The following CUL3 variants were observed in gnomAD, a reference collection of about 807,000 sequenced individuals.
CUL3 encodes cullin-3.
A neutral mutation model predicts 89.1 loss-of-function variants in CUL3; 19 were observed. The ratio of observed to expected loss-of-function variants is 0.21; its 90% CI spans 0.15 to 0.31. CUL3 has a LOEUF of 0.31. Ranked by LOEUF, CUL3 falls within the 10% of genes least tolerant of loss-of-function variation. The pLI, the probability that CUL3 is intolerant of heterozygous loss-of-function variation, is 1.00. For missense variants in CUL3, 469 were observed against 942.3 expected, an observed-to-expected ratio of 0.50 and a Z score of 6.58; for synonymous variants, 351 against 308.4, an observed-to-expected ratio of 1.14 and a Z score of -1.45.
intron 14 of CUL3, chr2:224,478,775 T>C (rs1691421635): frequency 6.3e-6 from 1 of 159,458 alleles, no homozygotes; most frequent in South Asian, 1.8e-4. Context: ...AAAATGTAGC[T>C]GTAATCTCTA....
rs941323851 is a variant in CUL3, at chr2:224,517,027, C to T, written c.379-2255G>A. On this transcript the variant is annotated intron_variant, in intron 3 of 15. Transcript: ENST00000264414. Reference sequence around the variant, plus strand: ...TCGTGTTTTACTTCTCAGCACAGAACAATATGTACATAATAAAAACTAGCA... The same window carrying T: ...TCGTGTTTTACTTCTCAGCACAGAATAATATGTACATAATAAAAACTAGCA... 5.9e-5 allele frequency among the ~76,000 whole-genome samples: 9 copies of T among 152,112 alleles called. No homozygotes were observed. In the South Asian group the frequency reaches 1.9e-3, roughly 31 times the overall value.
At chr2:224,542,820 G>C (rs1301295463) in intron 2 of CUL3, among the ~76,000 whole-genome samples, 2 of 152,162 alleles carry the variant, frequency 1.3e-5, no homozygotes, top group Non-Finnish European at 2.9e-5. Context: ...AAAGGAGCTG[G>C]AAAGGAGGAT....
intron 3 of CUL3, among the ~76,000 whole-genome samples, chr2:224,529,179 G>T (rs1693594414): frequency 6.6e-6 from 1 of 152,086 alleles, no homozygotes; most frequent in Non-Finnish European, 1.5e-5. Flanking sequence ...AATTCAGGCT[G>T]TAATATAACG....
chr2:224,475,415 CAG>C (rs1691281560), intron 15 of CUL3, among the ~76,000 whole-genome samples: 1 of 152,198 alleles, frequency 6.6e-6, no homozygotes, highest in African/African-American at 2.4e-5. Flanking sequence ...TAGTAAATAA[CAG>C]AGCCAACAGA....
intron 1 of CUL3, chr2:224,563,233 C>T: frequency 2.1e-6 from 1 of 471,272 alleles, no homozygotes; most frequent in South Asian, 1.6e-5. Flanking sequence ...ACATTATTCC[C>T]CTACATCTCT....
In CUL3 at chr2:224,557,791, G is replaced by T. The variant is rs1212518379; in HGVS notation, c.132C>A (p.Ile44=). Reference sequence around the variant, plus strand: ...TAAGACCACTGTTATTCTTACGCTGGATTTCTTGAATTGCATTTTTCAGAA... The same window carrying T: ...TAAGACCACTGTTATTCTTACGCTGTATTTCTTGAATTGCATTTTTCAGAA... The part of the protein sequence containing the change: ...WDLLKNAIQE[I]QRKNNSGLSF... Residue 44 remains isoleucine, a synonymous_variant, in exon 2 of 16, where the codon ATC becomes ATA. Coordinates refer to ENST00000264414, the MANE Select transcript of CUL3 (RefSeq NM_003590.5). 2 of 1,464,426 alleles carry T rather than the reference G, an allele frequency of 1.4e-6. No individual in the cohort carries two copies. The highest frequency in any genetic ancestry group is 1.8e-6 in the Non-Finnish European group (2 of 1,092,948). The allele number at this position is 1,464,426 out of a possible 1,614,324, so 90.7% of individuals were successfully genotyped here. A position where few individuals can be genotyped will look rare whatever the true frequency, so the allele number is the denominator to read the frequency against.
At position 224,584,996 on chromosome 2, in the gene CUL3, C is replaced by A. The variant is rs1009417526; in HGVS notation, c.14G>T (p.Ser5Ile). The A allele has an allele frequency of 1.3e-6, 2 of 1,511,392 alleles. No individual in the cohort carries two copies. Among genetic ancestry groups the A allele is most frequent in the Non-Finnish European group, 1.8e-6 (2 of 1,119,102 alleles). The allele number at this position is 1,511,392 out of a possible 1,614,324, so 93.6% of individuals were successfully genotyped here. A position where few individuals can be genotyped will look rare whatever the true frequency, so the allele number is the denominator to read the frequency against. The change falls in exon 1 of 16, where the codon AGC becomes ATC. Residue 5 changes from serine to isoleucine, a missense_variant. Ser to Ile is a moderately radical substitution (Grantham distance 142). Transcript: ENST00000264414. ...GTCCTTCCGGCTGCCCGTGCCTTTG[C>A]TCAGATTCGACATGGTGCTCGTCCC... is the stretch of plus-strand genomic sequence containing the variant. MSNL[S>I]KGTGSRKDTK...
At position 224,474,236 on chromosome 2, in the gene CUL3, G is replaced by C. The variant is rs770398946; in HGVS notation, c.*9C>G. ...CAGTCCAAGAATAAATCAAATTTCT[G>C]AACGCATTTTATGCTACATATGTGT... On this transcript the variant is annotated 3_prime_UTR_variant, in exon 16 of 16. Transcript: ENST00000264414. 1 of 1,611,182 alleles carries C rather than the reference G, an allele frequency of 6.2e-7. No homozygotes were observed. The highest frequency in any genetic ancestry group is 1.1e-5 in the South Asian group (1 of 90,556).
intron 3 of CUL3, among the ~76,000 whole-genome samples, chr2:224,530,013 CAGATCACGAGGTCAGG>C (rs1693631994): frequency 2.0e-5 from 3 of 152,002 alleles, no homozygotes; most frequent in Admixed American, 2.0e-4. Context: ...CCAAGGCGGG[CAGATCACGAGGTCAGG>C]AGATCGAGAC....
At chr2:224,582,193 C>T (rs765094181) in intron 1 of CUL3, among the ~76,000 whole-genome samples, 1 of 152,084 alleles carries the variant, frequency 6.6e-6, no homozygotes, top group Non-Finnish European at 1.5e-5. Flanking sequence ...CTCAAAGCTC[C>T]TGACCTCAGG....
intron 2 of CUL3, among the ~76,000 whole-genome samples, chr2:224,541,141 CT>C (rs1423510113): frequency 1.3e-5 from 2 of 151,284 alleles, no homozygotes; most frequent in Non-Finnish European, 2.9e-5. Context: ...AACTTTTGTT[CT>C]GTAGACACCA....
At chr2:224,493,075 T>C (rs187175790) in intron 13 of CUL3, among the ~76,000 whole-genome samples, 31 of 152,192 alleles carry the variant, frequency 2.0e-4, no homozygotes, top group South Asian at 8.3e-4. Flanking sequence ...CCAGACAACA[T>C]CTAAATGCAA....
At chr2:224,561,168 G>T (rs1194251112) in intron 1 of CUL3, among the ~76,000 whole-genome samples, 1 of 152,128 alleles carries the variant, frequency 6.6e-6, no homozygotes, top group African/African-American at 2.4e-5. Flanking sequence ...GCTTCATGAA[G>T]GCAGGGATCT....
Position 224,485,459 on chromosome 2 carries a change from A to C in CUL3, c.1843-3381T>G, listed in dbSNP as rs1464274389. Reference sequence around the variant, plus strand: ...GGGGGAGGGGCGTCCACCATTCCTGAGGCTTGAGTAGGCGGTTTTCCCCTC... The same window carrying C: ...GGGGGAGGGGCGTCCACCATTCCTGCGGCTTGAGTAGGCGGTTTTCCCCTC... On this transcript the variant is annotated intron_variant, in intron 13 of 15. Transcript: ENST00000264414. This position sits in a 1 kb window ranked among gnomAD's most constrained non-coding sequence, Gnocchi z 4.1. 6.6e-6 allele frequency: 1 copy of C among 152,234 alleles called. No homozygotes were observed. The highest frequency in any genetic ancestry group is 1.5e-5 in the Non-Finnish European group (1 of 68,098). The allele number at this position is 152,234 out of a possible 1,614,324, so 9.4% of individuals were successfully genotyped here. A position where few individuals can be genotyped will look rare whatever the true frequency, so the allele number is the denominator to read the frequency against.
chr2:224,522,887 A>G (rs1693321704), intron 3 of CUL3, among the ~76,000 whole-genome samples: 1 of 152,334 alleles, frequency 6.6e-6, no homozygotes, highest in East Asian at 1.9e-4. Flanking sequence ...CAGTTGTGAA[A>G]ATTTTTTATT....
At chr2:224,535,493 T>C (rs763707714) in intron 3 of CUL3, 35 bp downstream of exon 3, 30 of 1,442,280 alleles carry the variant, frequency 2.1e-5, no homozygotes, top group Non-Finnish European at 2.7e-5. Flanking sequence ...GCTTAACTGC[T>C]TAAAGGAAGA....
chr2:224,571,350 C>T (rs1190590794), intron 1 of CUL3, among the ~76,000 whole-genome samples: 1 of 152,104 alleles, frequency 6.6e-6, no homozygotes, highest in African/African-American at 2.4e-5. Flanking sequence ...TTTAACACTA[C>T]TATTTATTTA....
At chr2:224,514,940 T>A (rs998308750) in intron 3 of CUL3, among the ~76,000 whole-genome samples, 168 bp from the exon 4 acceptor site, 2 of 152,122 alleles carry the variant, frequency 1.3e-5, no homozygotes, top group African/African-American at 4.8e-5. Flanking sequence ...CCTCTCAAGT[T>A]ATATAAAGTT....
intron 11 of CUL3, chr2:224,499,766 G>A (rs1013411400): frequency 4.3e-5 from 9 of 211,674 alleles, no homozygotes; most frequent in Admixed American, 3.0e-4. Flanking sequence ...TAGGCTGCTC[G>A]ATGAAGGGGG....
Sources: gnomAD v4.1 joint callset for allele counts (sites outside exome capture counted in the v4.1 genomes callset) on GRCh38, gnomAD v4.1.1 for gene constraint, Gnocchi (gnomAD v3.1) non-coding constraint, MANE v1.5 for transcripts, NCBI Gene and HGNC (gene_info 2026-07-23, HGNC 2026-07-21) for gene names.